CAMTA1: variants seen among roughly 807,000 people sequenced by gnomAD.
CAMTA1 encodes calmodulin-binding transcription activator 1.
In CAMTA1, 27 loss-of-function variants were observed where a neutral mutation model predicts 170.9. The observed-to-expected ratio is 0.16, with a 90% CI of 0.12 to 0.22. The LOEUF (loss-of-function observed/expected upper bound fraction) is 0.22. CAMTA1 is among the 10% of genes least tolerant of loss of function. CAMTA1 has a pLI of 1.00. For synonymous variants in CAMTA1, 833 were observed against 891.5 expected, an observed-to-expected ratio of 0.93 and a Z score of 1.17; for missense variants, 1,619 against 2,217.2, an observed-to-expected ratio of 0.73 and a Z score of 5.42.
chr1:7,188,546 A>G (rs1653910011), intron 4 of CAMTA1, among the ~76,000 whole-genome samples: 2 of 152,186 alleles, frequency 1.3e-5, no homozygotes, highest in Admixed American at 1.3e-4. Flanking sequence ...GACCTCATAC[A>G]AGTACCAATA....
intron 6 of CAMTA1, among the ~76,000 whole-genome samples, chr1:7,478,745 A>T (rs2149607194): frequency 6.6e-6 from 1 of 152,252 alleles, no homozygotes; most frequent in Middle Eastern, 3.4e-3. Context: ...GCCCCCTCTA[A>T]GAACATCCTT....
intron 7 of CAMTA1, among the ~76,000 whole-genome samples, chr1:7,652,854 A>C (rs2095856606): frequency 6.6e-6 from 1 of 152,064 alleles, no homozygotes; most frequent in Admixed American, 6.5e-5. Context: ...GCCCAGTGGA[A>C]AGAGCTTGAA....
At chr1:7,739,355 G>C (rs986549453) in intron 16 of CAMTA1, among the ~76,000 whole-genome samples, 3 of 152,158 alleles carry the variant, frequency 2.0e-5, no homozygotes, top group Non-Finnish European at 4.4e-5. Context: ...CCTGCTCATT[G>C]CATCCCAGGG....
Position 7,731,961 on chromosome 1 carries a change from A to T in CAMTA1, c.2915-487A>T, listed in dbSNP as rs567133760. 2.0e-5 allele frequency among the ~76,000 whole-genome samples: 3 copies of T among 152,228 alleles called. No homozygotes were observed. In the East Asian group the frequency reaches 5.8e-4, roughly 29 times the overall value. On this transcript the variant is annotated intron_variant, in intron 11 of 22. Coordinates refer to ENST00000303635, the MANE Select transcript of CAMTA1 (RefSeq NM_015215.4). ...GCTAGAGCTTGGCTCAGGAAATAAA[A>T]TTTAAAACAATTTTTTTTTGTAAAA...
At chr1:7,103,551 CTACACACA>C (rs147320658) in intron 4 of CAMTA1, among the ~76,000 whole-genome samples, 66,648 of 130,844 alleles carry the variant, frequency 0.51, 16,202 homozygotes, top group African/African-American at 0.69. Flanking sequence ...CATGTACACA[CTACACACA>C]TACACACAAC....
chr1:7,249,745 C>CAAGACCCT lies in CAMTA1; in HGVS notation c.438+120_438+127dup. On this transcript the variant is annotated intron_variant, in intron 5 of 22. Coordinates refer to ENST00000303635, the MANE Select transcript of CAMTA1 (RefSeq NM_015215.4). The surrounding 1 kb of genome is among the most constrained non-coding windows in gnomAD (Gnocchi z 4.4). ...CTCTGTCCAAAGAATTTTTGTTTGCCAAGACCCTGGTTTTTGCTTTTGTTT... is the reference window on the plus strand; with the variant it reads ...CTCTGTCCAAAGAATTTTTGTTTGCCAAGACCCTAAGACCCTGGTTTTTGCTTTTGTTT... 1 of 1,213,612 alleles carries CAAGACCCT rather than the reference C, an allele frequency of 8.2e-7. No individual in the cohort carries two copies. The highest frequency in any genetic ancestry group is 1.1e-6 in the Non-Finnish European group (1 of 885,028). 75.2% of individuals were successfully genotyped at this position (1,213,612 alleles called of 1,614,324 possible).
chr1:7,591,792 G>A (rs1297140400), intron 6 of CAMTA1, among the ~76,000 whole-genome samples: 1 of 152,212 alleles, frequency 6.6e-6, no homozygotes, highest in Non-Finnish European at 1.5e-5. Flanking sequence ...TTTCCTTCCT[G>A]CAAACAAGCC....
intron 3 of CAMTA1, among the ~76,000 whole-genome samples, chr1:7,087,005 G>T (rs530686006): frequency 1.3e-5 from 2 of 152,224 alleles, no homozygotes; most frequent in Non-Finnish European, 2.9e-5. Flanking sequence ...GAACATGCAC[G>T]CCCGGAGAGT....
intron 3 of CAMTA1, among the ~76,000 whole-genome samples, chr1:7,008,185 G>T (rs1699284011): frequency 6.6e-6 from 1 of 152,190 alleles, no homozygotes; most frequent in Non-Finnish European, 1.5e-5. Context: ...CTCAGAGGAG[G>T]TTCTTAGAGA....
In CAMTA1 at chr1:7,633,437, G is replaced by C. The variant is rs755162166; in HGVS notation, c.511-6963G>C. On this transcript the variant is annotated intron_variant, in intron 6 of 22. Coordinates refer to ENST00000303635, the MANE Select transcript of CAMTA1 (RefSeq NM_015215.4). This position sits in a 1 kb window ranked among gnomAD's most constrained non-coding sequence, Gnocchi z 4.1. Reference sequence around the variant, plus strand: ...ATGCCACCCCTCCTGGGCCCCTTCTGGGGGAGTGGACCCCCTCCTCTTCCA... The same window carrying C: ...ATGCCACCCCTCCTGGGCCCCTTCTCGGGGAGTGGACCCCCTCCTCTTCCA... Among the ~76,000 whole-genome samples the C allele has an allele frequency of 6.6e-6, 1 of 152,164 alleles. No homozygotes were observed. The highest frequency in any genetic ancestry group is 1.5e-5 in the Non-Finnish European group (1 of 68,018).
At chr1:7,246,454 G>C (rs1300268105) in intron 4 of CAMTA1, among the ~76,000 whole-genome samples, 1 of 152,146 alleles carries the variant, frequency 6.6e-6, no homozygotes, top group Non-Finnish European at 1.5e-5. Flanking sequence ...TTCCATGCCT[G>C]CCCCATGAAG....
chr1:6,979,593 G>A (rs1041599242), intron 3 of CAMTA1, among the ~76,000 whole-genome samples: 3 of 152,214 alleles, frequency 2.0e-5, no homozygotes, highest in Non-Finnish European at 4.4e-5. Flanking sequence ...CATTTTGATG[G>A]TGGCACTAAA....
chr1:7,515,565 CT>C (rs1382260815), intron 6 of CAMTA1, among the ~76,000 whole-genome samples: 1 of 152,138 alleles, frequency 6.6e-6, no homozygotes, highest in African/African-American at 2.4e-5. Flanking sequence ...GGCCAGGGCT[CT>C]TGACAGGATT....
intron 3 of CAMTA1, among the ~76,000 whole-genome samples, chr1:7,021,039 C>T (rs76054137): frequency 0.022 from 3,394 of 152,332 alleles, 118 homozygotes; most frequent in African/African-American, 0.078. Context: ...GACCATTCTT[C>T]GTGCTGGAGG....
At chr1:7,702,503 T>C (rs977351075) in intron 11 of CAMTA1, among the ~76,000 whole-genome samples, 2 of 152,158 alleles carry the variant, frequency 1.3e-5, no homozygotes, top group Admixed American at 6.6e-5. Flanking sequence ...GTCTCTCCTG[T>C]CAGCCTCCAC....
intron 3 of CAMTA1, among the ~76,000 whole-genome samples, chr1:6,925,263 TC>T (rs1682865170): frequency 6.6e-6 from 1 of 152,258 alleles, no homozygotes; most frequent in African/African-American, 2.4e-5. Flanking sequence ...TTCCCACATT[TC>T]TTGATGGGCC....
At chr1:7,406,381 G>T (rs542957340) in intron 5 of CAMTA1, among the ~76,000 whole-genome samples, 14 of 152,220 alleles carry the variant, frequency 9.2e-5, no homozygotes, top group African/African-American at 3.1e-4. Context: ...GGTAGGACAT[G>T]AGGCCAGAAG....
chr1:7,732,659 C>T lies in CAMTA1; in HGVS notation c.3066+60C>T, dbSNP rs1005749063. ...GCTTCATGTTTATGGATTGGCGAGGCAGTGGATGGATCACAGGCCTCTTCT... is the reference window on the plus strand; with the variant it reads ...GCTTCATGTTTATGGATTGGCGAGGTAGTGGATGGATCACAGGCCTCTTCT... On this transcript the variant is annotated intron_variant, in intron 12 of 22. Transcript: ENST00000303635. The surrounding 1 kb of genome is among the most constrained non-coding windows in gnomAD (Gnocchi z 4.1). 11 of 1,501,060 alleles carry T rather than the reference C, an allele frequency of 7.3e-6. No homozygotes were observed. Among genetic ancestry groups the T allele is most frequent in the South Asian group, 1.3e-5 (1 of 74,654 alleles). The allele number at this position is 1,501,060 out of a possible 1,614,324, so 93.0% of individuals were successfully genotyped here. A position where few individuals can be genotyped will look rare whatever the true frequency, so the allele number is the denominator to read the frequency against.
chr1:7,397,272 G>A (rs2089391362), intron 5 of CAMTA1, among the ~76,000 whole-genome samples: 2 of 151,908 alleles, frequency 1.3e-5, no homozygotes, highest in Non-Finnish European at 2.9e-5. Context: ...CCAATTTGTT[G>A]CCATATAGTT....
Sources: gnomAD v4.1 joint callset for allele counts (sites outside exome capture counted in the v4.1 genomes callset) on GRCh38, gnomAD v4.1.1 for gene constraint, Gnocchi (gnomAD v3.1) non-coding constraint, MANE v1.5 for transcripts, NCBI Gene and HGNC (gene_info 2026-07-23, HGNC 2026-07-21) for gene names.